Variants in TRIM4 observed in about 807,000 individuals in gnomAD.
TRIM4 encodes the protein E3 ubiquitin-protein ligase TRIM4.
Under a neutral mutation model 33.7 loss-of-function variants are expected in TRIM4, and 29 were observed. That is an observed-to-expected ratio of 0.86 (90% CI 0.64 to 1.17). The LOEUF (loss-of-function observed/expected upper bound fraction) is 1.17. Among genes scored for constraint, TRIM4 ranks in the 50% most tolerant of loss-of-function variants. The pLI is 0.00. For missense variants in TRIM4, 554 were observed against 593.7 expected (o/e 0.93, Z 0.69); for synonymous variants, 224 against 233.0 (o/e 0.96, Z 0.35).
chr7:99,898,043 T>C (rs1584262107), intron 5 of TRIM4, among the ~76,000 whole-genome samples: 1 of 152,216 alleles, frequency 6.6e-6, no homozygotes, highest in African/African-American at 2.4e-5. Flanking sequence ...TCCTCCACAA[T>C]GGGCCTGCCA....
At chr7:99,909,791 G>A (rs933578265) in intron 1 of TRIM4, 131 bp from the exon 2 acceptor site, 10 of 723,492 alleles carry the variant, frequency 1.4e-5, no homozygotes, top group Admixed American at 5.7e-5. Flanking sequence ...AGACTGCAGC[G>A]GCCTGATCAT....
intron 5 of TRIM4, among the ~76,000 whole-genome samples, chr7:99,894,798 T>C (rs1235651699): frequency 6.6e-6 from 1 of 152,222 alleles, no homozygotes; most frequent in Non-Finnish European, 1.5e-5. Context: ...GAGTCAGCTT[T>C]TGTAATTTGT....
chr7:99,909,729 G>GTTTTTTTTTTTTT (rs58242927), intron 1 of TRIM4, 69 bp from the exon 2 acceptor site: 3 of 725,158 alleles, frequency 4.1e-6, no homozygotes, highest in East Asian at 3.5e-5. Context: ...TTTTCTTTTT[G>GTTTTTTTTTTTTT]TTTTTTTTTT....
At chr7:99,911,841 C>T (rs924010611) in intron 1 of TRIM4, among the ~76,000 whole-genome samples, 24 of 152,210 alleles carry the variant, frequency 1.6e-4, no homozygotes, top group Admixed American at 6.5e-5. Flanking sequence ...CAAGAATATT[C>T]ATCGCAGCTT....
intron 5 of TRIM4, among the ~76,000 whole-genome samples, chr7:99,894,774 A>G (rs1035846542): frequency 6.6e-6 from 1 of 152,088 alleles, no homozygotes; most frequent in Admixed American, 6.6e-5. Flanking sequence ...TATTCCAGTT[A>G]TCTCTATCTT....
intron 1 of TRIM4, among the ~76,000 whole-genome samples, chr7:99,914,121 C>A (rs1186297043): frequency 6.6e-6 from 1 of 152,182 alleles, no homozygotes; most frequent in East Asian, 1.9e-4. Context: ...AAGCCACCAT[C>A]ATCTTTTGTC....
chr7:99,909,723 C>CTTTTT, intron 1 of TRIM4, 63 bp from the exon 2 acceptor site: 5 of 692,484 alleles, frequency 7.2e-6, no homozygotes, highest in Admixed American at 3.6e-5. Flanking sequence ...CTTCTTTTTT[C>CTTTTT]TTTTTGTTTT....
intron 3 of TRIM4, among the ~76,000 whole-genome samples, chr7:99,904,071 A>G (rs1272582993): frequency 6.6e-6 from 1 of 152,240 alleles, no homozygotes; most frequent in African/African-American, 2.4e-5. Flanking sequence ...AAAATACCCT[A>G]AGTTATAACA....
In TRIM4 at chr7:99,893,066, T is replaced by C. The variant is rs186625110; in HGVS notation, c.842-320A>G. Among the ~76,000 whole-genome samples the C allele has an allele frequency of 1.4e-4, 22 of 152,162 alleles. No homozygotes were observed. In the East Asian group the frequency reaches 2.1e-3, roughly 15 times the overall value. On this transcript the variant is annotated intron_variant, in intron 5 of 5. Coordinates refer to ENST00000349062, the MANE Select transcript of TRIM4 (RefSeq NM_033091.3). Reference sequence around the variant, plus strand: ...GAGAGTGAGACCAGCCTGGCCAACATGGCGAAACCCCGTCTCTACTGAAAA... The same window carrying C: ...GAGAGTGAGACCAGCCTGGCCAACACGGCGAAACCCCGTCTCTACTGAAAA...
intron 5 of TRIM4, chr7:99,901,273 C>G (rs931080770): frequency 2.6e-5 from 4 of 152,166 alleles, no homozygotes; most frequent in African/African-American, 9.7e-5. Flanking sequence ...CATTTTTCAT[C>G]TTTAAAACTT....
intron 5 of TRIM4, among the ~76,000 whole-genome samples, chr7:99,894,154 T>C (rs1476574969): frequency 1.3e-5 from 2 of 152,186 alleles, no homozygotes; most frequent in Non-Finnish European, 2.9e-5. Flanking sequence ...TTGGATTCAA[T>C]TTGCTAAAGT....
intron 5 of TRIM4, among the ~76,000 whole-genome samples, chr7:99,895,102 T>C (rs1818986993): frequency 6.6e-6 from 1 of 152,240 alleles, no homozygotes. Flanking sequence ...TTCTTCTGTT[T>C]ACTTTGGGCT....
At chr7:99,916,177 A>G (rs1010228530) in intron 1 of TRIM4, among the ~76,000 whole-genome samples, 2 of 152,184 alleles carry the variant, frequency 1.3e-5, no homozygotes, top group African/African-American at 4.8e-5. Context: ...CCATCCACTT[A>G]TATTTCCCTC....
chr7:99,907,921 A>G (rs1337044834), intron 3 of TRIM4, among the ~76,000 whole-genome samples: 2 of 152,234 alleles, frequency 1.3e-5, no homozygotes, highest in African/African-American at 2.4e-5. Flanking sequence ...TTCAGCAAAA[A>G]GAAAAAGCAA....
intron 5 of TRIM4, among the ~76,000 whole-genome samples, chr7:99,899,763 T>TGCGC (rs918795951): frequency 3.3e-5 from 5 of 152,134 alleles, no homozygotes; most frequent in African/African-American, 7.2e-5. Flanking sequence ...TGGGTGTGTG[T>TGCGC]GCGCACACGT....
At chr7:99,902,621 G>A (rs988975378) in intron 5 of TRIM4, among the ~76,000 whole-genome samples, 9 of 152,026 alleles carry the variant, frequency 5.9e-5, no homozygotes, top group Admixed American at 6.6e-5. Context: ...ACCTGCCTTG[G>A]TGCCTCCCTG....
chr7:99,899,015 G>A (rs1819092582), intron 5 of TRIM4, among the ~76,000 whole-genome samples: 1 of 152,196 alleles, frequency 6.6e-6, no homozygotes, highest in Non-Finnish European at 1.5e-5. Context: ...TTGCCTCAGG[G>A]AAGTTGCAGA....
Position 99,909,661 on chromosome 7 carries a change from C to T in TRIM4, c.394-1G>A. The T allele has an allele frequency of 6.2e-7, 1 of 1,612,364 alleles. No individual in the cohort carries two copies. The highest frequency in any genetic ancestry group is 8.5e-7 in the Non-Finnish European group (1 of 1,179,440). On this transcript the variant is annotated splice_acceptor_variant, in intron 1 of 5. Transcript: ENST00000349062. LOFTEE classifies it high-confidence loss of function. Reference sequence around the variant, plus strand: ...TACGCTGAGACTTAAGAAGTTTCTCCTGCCAGCAGAAACACACACAGGTAA... The same window carrying T: ...TACGCTGAGACTTAAGAAGTTTCTCTTGCCAGCAGAAACACACACAGGTAA...
Position 99,893,258 on chromosome 7 carries a change from T to TTCTA in TRIM4, c.842-516_842-513dup, listed in dbSNP as rs1291017696. On this transcript the variant is annotated intron_variant, in intron 5 of 5. Transcript: ENST00000349062. Reference sequence around the variant, plus strand: ...CTCCAGCCTGGGTGACAGAGCAAGATTCTATCTTTAAAAAAAAAAAGACTA... The same window carrying TTCTA: ...CTCCAGCCTGGGTGACAGAGCAAGATTCTATCTATCTTTAAAAAAAAAAAGACTA... 1.7e-3 allele frequency among the ~76,000 whole-genome samples: 257 copies of TTCTA among 151,818 alleles called. 1 individual carries two copies. Among genetic ancestry groups the TTCTA allele is most frequent in the African/African-American group, 6.0e-3 (246 of 41,288 alleles).
Sources: gnomAD v4.1 joint callset for allele counts (sites outside exome capture counted in the v4.1 genomes callset) on GRCh38, gnomAD v4.1.1 for gene constraint, MANE v1.5 for transcripts, NCBI Gene and HGNC (gene_info 2026-07-23, HGNC 2026-07-21) for gene names.